Variants in USP34 observed in about 807,000 individuals in gnomAD.
USP34 encodes ubiquitin specific peptidase 34.
In USP34, 70 loss-of-function variants were observed where a neutral mutation model predicts 460.3. The observed-to-expected ratio is 0.15, with a 90% confidence interval of 0.13 to 0.19. The LOEUF is 0.19. Ranked by LOEUF, USP34 falls within the 10% of genes least tolerant of loss-of-function variation. USP34 has a pLI of 1.00. For synonymous variants in USP34, 1,647 were observed against 1,405.3 expected (o/e 1.17, Z -3.85); for missense variants, 3,985 against 4,236.2 (o/e 0.94, Z 1.65).
chr2:61,313,019 TTAA>T (rs1690640977), intron 25 of USP34, among the ~76,000 whole-genome samples: 1 of 152,166 alleles, frequency 6.6e-6, no homozygotes, highest in Non-Finnish European at 1.5e-5. Context: ...CAATTTTCAA[TTAA>T]TAATAGCACT....
intron 3 of USP34, 42 bp downstream of exon 3, chr2:61,405,666 G>C (rs749385423): frequency 3.4e-6 from 5 of 1,475,858 alleles, no homozygotes; most frequent in Middle Eastern, 2.1e-4. Context: ...GCGAAGTTAA[G>C]ACTTGGTATT....
intron 44 of USP34, among the ~76,000 whole-genome samples, chr2:61,259,509 T>G (rs1688814464): frequency 6.6e-6 from 1 of 151,496 alleles, no homozygotes; most frequent in Non-Finnish European, 1.5e-5. Context: ...CTTTTCAGTC[T>G]CCTAAGCAGC....
At chr2:61,257,966 A>G (rs956859823) in intron 44 of USP34, among the ~76,000 whole-genome samples, 3 of 152,342 alleles carry the variant, frequency 2.0e-5, no homozygotes, top group African/African-American at 7.2e-5. Flanking sequence ...AAACTTTCCC[A>G]GAGATTGAAC....
chr2:61,457,342 G>T (rs1215392151), intron 1 of USP34, among the ~76,000 whole-genome samples: 1 of 152,154 alleles, frequency 6.6e-6, no homozygotes, highest in East Asian at 1.9e-4. Flanking sequence ...AACCAAGGAA[G>T]CCCAGCAAGC....
intron 1 of USP34, among the ~76,000 whole-genome samples, chr2:61,456,877 C>G (rs544892953): frequency 2.4e-4 from 37 of 152,194 alleles, no homozygotes; most frequent in African/African-American, 8.7e-4. Context: ...ACTATGGAAG[C>G]TGAGGCAGGA....
intron 1 of USP34, among the ~76,000 whole-genome samples, chr2:61,447,916 A>G (rs762554228): frequency 6.6e-6 from 1 of 152,172 alleles, no homozygotes; most frequent in Non-Finnish European, 1.5e-5. Flanking sequence ...AGGTTTCACC[A>G]TGTTGGCCAG....
chr2:61,445,083 C>T (rs549541782), intron 1 of USP34, among the ~76,000 whole-genome samples: 1 of 151,728 alleles, frequency 6.6e-6, no homozygotes, highest in East Asian at 1.9e-4. Flanking sequence ...ATTCATTATC[C>T]TACTTCAGTG....
At chr2:61,391,068 C>T (rs1357511600) in intron 5 of USP34, among the ~76,000 whole-genome samples, 3 of 151,588 alleles carry the variant, frequency 2.0e-5, no homozygotes, top group Non-Finnish European at 4.4e-5. Context: ...GCACTCCAGC[C>T]TGGTGACAGA....
chr2:61,433,396 A>G (rs936317817), intron 1 of USP34, among the ~76,000 whole-genome samples: 2 of 152,110 alleles, frequency 1.3e-5, no homozygotes, highest in Admixed American at 6.6e-5. Context: ...CACTTTGAGG[A>G]GCTGAGGCAG....
intron 68 of USP34, 40 bp from the exon 69 acceptor site, chr2:61,211,969 T>A: frequency 6.4e-7 from 1 of 1,551,904 alleles, no homozygotes; most frequent in Non-Finnish European, 8.6e-7. Flanking sequence ...TTTAACCCTA[T>A]AGCATTTTAG....
intron 74 of USP34, among the ~76,000 whole-genome samples, chr2:61,203,773 T>G (rs1407360832): frequency 6.6e-6 from 1 of 152,142 alleles, no homozygotes; most frequent in African/African-American, 2.4e-5. Context: ...TCAATGTACC[T>G]TGTCTCTATA....
chr2:61,375,925 A>G (rs1475748790), intron 8 of USP34, among the ~76,000 whole-genome samples: 1 of 152,156 alleles, frequency 6.6e-6, no homozygotes, highest in Non-Finnish European at 1.5e-5. Context: ...ACCTCAAACA[A>G]ACGAACAAGA....
chr2:61,313,558 A>G (rs1690658490), intron 25 of USP34, among the ~76,000 whole-genome samples: 1 of 152,194 alleles, frequency 6.6e-6, no homozygotes, highest in African/African-American at 2.4e-5. Context: ...TCTGAATTTT[A>G]TAATACGTAT....
chr2:61,342,727 G>A (rs1208347166), intron 16 of USP34, among the ~76,000 whole-genome samples: 2 of 152,050 alleles, frequency 1.3e-5, no homozygotes, highest in Non-Finnish European at 2.9e-5. Flanking sequence ...TAAAAACATT[G>A]TAAAACAAGG....
In USP34 at chr2:61,348,395, T is replaced by C. The variant is rs752799362; in HGVS notation, c.1760A>G (p.Asp587Gly). Residue 587 changes from aspartate to glycine, a missense_variant, in exon 15 of 80, where the codon GAT becomes GGT. Physicochemically the swap from Asp to Gly is moderately conservative, Grantham distance 94 (BLOSUM62 -1). Coordinates refer to ENST00000398571, the MANE Select transcript of USP34 (RefSeq NM_014709.4). ...AGAATTAACCTCATTGCTAGATCCATCACTATGCCCACTACTGCTACCAGG... is the reference window on the plus strand; with the variant it reads ...AGAATTAACCTCATTGCTAGATCCACCACTATGCCCACTACTGCTACCAGG... The part of the protein sequence containing the change: ...SGPGSSSGHS[D>G]GSSNEVNSSH... 3 of 1,613,980 alleles carry C rather than the reference T, an allele frequency of 1.9e-6. No homozygotes were observed. The highest frequency in any genetic ancestry group is 8.5e-7 in the Non-Finnish European group (1 of 1,180,036).
intron 38 of USP34, 121 bp from the exon 39 acceptor site, chr2:61,280,469 C>A: frequency 4.4e-6 from 2 of 454,382 alleles, no homozygotes; most frequent in South Asian, 9.5e-5. Context: ...TATTCAAAAT[C>A]TTTTTAAAAA....
At chr2:61,387,891 A>G (rs1693212560) in intron 5 of USP34, among the ~76,000 whole-genome samples, 1 of 149,984 alleles carries the variant, frequency 6.7e-6, no homozygotes, top group Admixed American at 6.7e-5. Flanking sequence ...ATGTAAAAAT[A>G]TATTTTTATA....
chr2:61,315,391 A>C (rs1486524764), intron 23 of USP34, among the ~76,000 whole-genome samples: 1 of 148,902 alleles, frequency 6.7e-6, no homozygotes, highest in African/African-American at 2.5e-5. Context: ...TTTTTTTTTG[A>C]GAACAGAGTC....
intron 30 of USP34, among the ~76,000 whole-genome samples, chr2:61,296,092 C>T (rs964888856): frequency 6.6e-6 from 1 of 151,978 alleles, no homozygotes; most frequent in African/African-American, 2.4e-5. Context: ...AACCCTGTCT[C>T]TACTAAAAAT....
Sources: gnomAD v4.1 joint callset for allele counts (sites outside exome capture counted in the v4.1 genomes callset) on GRCh38, gnomAD v4.1.1 for gene constraint, MANE v1.5 for transcripts, NCBI Gene and HGNC (gene_info 2026-07-23, HGNC 2026-07-21) for gene names.